TDRD3: variants seen among roughly 807,000 people sequenced by gnomAD.
The protein encoded by TDRD3 is tudor domain containing 3.
In TDRD3, 45 loss-of-function variants were observed where a neutral mutation model predicts 86.7. The observed-to-expected ratio is 0.52, with a 90% CI of 0.41 to 0.67. The LOEUF (loss-of-function observed/expected upper bound fraction) is 0.67, where lower values mean the gene tolerates loss of function less well. Among genes scored for constraint, TDRD3 ranks in the 30% least tolerant of loss-of-function variants. The pLI is 0.00. For synonymous variants in TDRD3, 298 were observed against 301.7 expected, an observed-to-expected ratio of 0.99 and a Z score of 0.13; for missense variants, 814 against 889.0, an observed-to-expected ratio of 0.92 and a Z score of 1.07.
chr13:60,539,742 A>C (rs1489756020), intron 12 of TDRD3, among the ~76,000 whole-genome samples: 1 of 151,910 alleles, frequency 6.6e-6, no homozygotes, highest in African/African-American at 2.4e-5. Context: ...ATAAGCTATA[A>C]ATTATTCCAT....
Position 60,485,968 on chromosome 13 carries a change from C to T in TDRD3, c.717+20C>T. On this transcript the variant is annotated intron_variant, in intron 7 of 13. Coordinates refer to ENST00000377881, the MANE Select transcript of TDRD3 (RefSeq NM_001146070.2). ...AAGGAAGTAAGAAATCAAATCATTACACGTTTTATTTCTTATCATTATGTT... is the reference window on the plus strand; with the variant it reads ...AAGGAAGTAAGAAATCAAATCATTATACGTTTTATTTCTTATCATTATGTT... 1.3e-6 allele frequency: 2 copies of T among 1,584,020 alleles called. No homozygotes were observed. Among genetic ancestry groups the T allele is most frequent in the Non-Finnish European group, 1.7e-6 (2 of 1,167,768 alleles).
At position 60,566,861 on chromosome 13, in the gene TDRD3, T is replaced by TA. The variant is rs141837501; in HGVS notation, c.2119-663dup. Among the ~76,000 whole-genome samples, 321 of 152,344 alleles carry TA rather than the reference T, an allele frequency of 2.1e-3. 1 individual carries two copies. The highest frequency in any genetic ancestry group is 3.1e-3 in the Non-Finnish European group (214 of 68,022). On this transcript the variant is annotated intron_variant, in intron 12 of 13. Transcript: ENST00000377881. Reference sequence around the variant, plus strand: ...CTATGCTACTCCTTGAACTGGTAGATATACCCACTCAGTAAGAAAGCAAAT... The same window carrying TA: ...CTATGCTACTCCTTGAACTGGTAGATAATACCCACTCAGTAAGAAAGCAAAT...
intron 5 of TDRD3, among the ~76,000 whole-genome samples, chr13:60,480,518 G>A (rs1240421379): frequency 1.3e-5 from 2 of 152,118 alleles, no homozygotes; most frequent in African/African-American, 2.4e-5. Context: ...AATTTCTTCA[G>A]TTTGCATGTT....
At chr13:60,402,250 C>T (rs998354275) in intron 1 of TDRD3, among the ~76,000 whole-genome samples, 3 of 152,184 alleles carry the variant, frequency 2.0e-5, no homozygotes, top group African/African-American at 7.2e-5. Context: ...TAGAGACACA[C>T]CTTTTTTCCA....
At chr13:60,397,888 C>CGCG (rs1448634789) in intron 1 of TDRD3, among the ~76,000 whole-genome samples, 2 of 152,082 alleles carry the variant, frequency 1.3e-5, no homozygotes, top group Non-Finnish European at 2.9e-5. Flanking sequence ...GAGCAGAGCA[C>CGCG]AGCCCGCGCT....
chr13:60,424,480 C>A (rs1954748323), intron 1 of TDRD3, among the ~76,000 whole-genome samples: 1 of 151,866 alleles, frequency 6.6e-6, no homozygotes, highest in Non-Finnish European at 1.5e-5. Flanking sequence ...AGTTCGAGAC[C>A]AGCCTGGCCA....
At chr13:60,467,648 T>G (rs1240732218) in intron 5 of TDRD3, among the ~76,000 whole-genome samples, 1 of 152,222 alleles carries the variant, frequency 6.6e-6, no homozygotes, top group Non-Finnish European at 1.5e-5. Flanking sequence ...TTATAAGCTA[T>G]GTACAATTTA....
At chr13:60,546,676 G>C (rs1335308134) in intron 12 of TDRD3, among the ~76,000 whole-genome samples, 1 of 152,098 alleles carries the variant, frequency 6.6e-6, no homozygotes, top group Non-Finnish European at 1.5e-5. Flanking sequence ...GTCATACCAG[G>C]CTGCAGGTAG....
chr13:60,521,108 T>C (rs751809416), intron 10 of TDRD3, among the ~76,000 whole-genome samples: 2 of 152,242 alleles, frequency 1.3e-5, no homozygotes, highest in Non-Finnish European at 2.9e-5. Flanking sequence ...ACTTTTTGTG[T>C]GTTGTGCAAT....
intron 12 of TDRD3, among the ~76,000 whole-genome samples, chr13:60,541,408 C>T (rs1957806241): frequency 6.6e-6 from 1 of 152,068 alleles, no homozygotes; most frequent in Non-Finnish European, 1.5e-5. Context: ...CTCAGGTGAT[C>T]CGCCTGCTTT....
intron 1 of TDRD3, among the ~76,000 whole-genome samples, chr13:60,435,579 G>C (rs76490755): frequency 0.045 from 6,859 of 152,252 alleles, 216 homozygotes; most frequent in Non-Finnish European, 0.064. Flanking sequence ...CTCCATCCAA[G>C]TTGTTGCAAA....
intron 8 of TDRD3, among the ~76,000 whole-genome samples, chr13:60,508,151 C>A (rs1956978305): frequency 5.3e-5 from 8 of 152,128 alleles, no homozygotes; most frequent in Admixed American, 5.2e-4. Flanking sequence ...ATTCCATGCT[C>A]ACGGATAGGA....
At chr13:60,543,696 T>TA (rs1957868462) in intron 12 of TDRD3, among the ~76,000 whole-genome samples, 1 of 152,126 alleles carries the variant, frequency 6.6e-6, no homozygotes, top group Admixed American at 6.5e-5. Flanking sequence ...ATTAAATATA[T>TA]AAACAGCAAT....
At chr13:60,446,594 T>G (rs975270790) in intron 3 of TDRD3, among the ~76,000 whole-genome samples, 4 of 152,130 alleles carry the variant, frequency 2.6e-5, no homozygotes, top group African/African-American at 9.7e-5. Context: ...AATAATTGTC[T>G]TCACCAGTAT....
chr13:60,479,412 C>T (rs1371215115), intron 5 of TDRD3, among the ~76,000 whole-genome samples: 1 of 152,130 alleles, frequency 6.6e-6, no homozygotes, highest in Admixed American at 6.5e-5. Context: ...GCTCTGTGGC[C>T]AAGCATTTGG....
chr13:60,525,299 G>A (rs911658809), intron 10 of TDRD3, among the ~76,000 whole-genome samples: 5 of 139,752 alleles, frequency 3.6e-5, no homozygotes, highest in African/African-American at 8.0e-5. Context: ...TCACCCTCCC[G>A]AGTAGCTGGG....
At position 60,535,221 on chromosome 13, in the gene TDRD3, A is replaced by G. The variant is rs1354436059; in HGVS notation, c.2106A>G (p.Gln702=). The part of the protein sequence containing the change: ...EVLLSNIKPI[Q]TEAWEEEGTY... The stretch of plus-strand genomic sequence containing the variant: ...TACTGAGCAATATCAAGCCCATTCA[A>G]ACAGAGGCATGGGTACGTGATACAT... The change falls in exon 12 of 14, where the codon CAA becomes CAG. Residue 702 remains glutamine, a synonymous_variant. Coordinates refer to ENST00000377881, the MANE Select transcript of TDRD3 (RefSeq NM_001146070.2). The G allele has an allele frequency of 3.1e-6, 5 of 1,613,454 alleles. No individual in the cohort carries two copies. Among genetic ancestry groups the G allele is most frequent in the Admixed American group, 1.7e-5 (1 of 59,946 alleles).
intron 3 of TDRD3, among the ~76,000 whole-genome samples, chr13:60,455,102 G>A (rs1377500596): frequency 6.6e-6 from 1 of 151,958 alleles, no homozygotes; most frequent in Non-Finnish European, 1.5e-5. Flanking sequence ...TAGTAGAGAC[G>A]GGGTTTCACC....
intron 1 of TDRD3, 143 bp from the exon 2 acceptor site, chr13:60,439,545 A>G: frequency 1.6e-6 from 1 of 617,626 alleles, no homozygotes; most frequent in South Asian, 2.1e-5. Context: ...TAGTAAATAA[A>G]CAGGGAATCC....
Sources: allele counts gnomAD v4.1 joint callset (sites outside exome capture counted in the v4.1 genomes callset), GRCh38; gene constraint gnomAD v4.1.1; transcripts MANE v1.5; gene names NCBI Gene and HGNC (gene_info 2026-07-23, HGNC 2026-07-21).